TPTE2: variants seen among roughly 807,000 people sequenced by gnomAD.
The protein encoded by TPTE2 is transmembrane phosphoinositide 3-phosphatase and tensin homolog 2, also known as phosphatidylinositol 3,4,5-trisphosphate 3-phosphatase TPTE2.
TPTE2 carries 53 observed loss-of-function variants against 78.6 expected under a neutral mutation model. The observed-to-expected ratio is 0.67, with a 90% confidence interval of 0.54 to 0.85. The LOEUF is 0.85. TPTE2 is among the 40% of genes least tolerant of loss of function. The pLI, the probability that TPTE2 is intolerant of heterozygous loss-of-function variation, is 0.00. For synonymous variants in TPTE2, 175 were observed against 206.2 expected, an observed-to-expected ratio of 0.85 and a Z score of 1.30; for missense variants, 461 against 623.0, an observed-to-expected ratio of 0.74 and a Z score of 2.77.
intron 17 of TPTE2, among the ~76,000 whole-genome samples, chr13:19,428,936 A>G (rs972106582): frequency 2.6e-5 from 4 of 152,234 alleles, no homozygotes; most frequent in Admixed American, 1.3e-4. Flanking sequence ...TTGTTGAAAA[A>G]TATGGTGGGG....
At chr13:19,458,537 C>T in intron 10 of TPTE2, 1 of 390,106 alleles carries the variant, frequency 2.6e-6, no homozygotes, top group Non-Finnish European at 5.2e-6. Flanking sequence ...TGTTTCCTCT[C>T]CCCAGGTGAT....
At chr13:19,506,310 T>G (rs1200505630), upstream of TPTE2, among the ~76,000 whole-genome samples, 1 of 149,478 alleles carries the variant, frequency 6.7e-6, no homozygotes, top group East Asian at 2.0e-4. Context: ...TAGCTGGGAC[T>G]ACAGGCGCCC....
In TPTE2 at chr13:19,511,750, A is replaced by C. The variant is rs144558188; in HGVS notation, c.-43-8473T>G. Among the ~76,000 whole-genome samples the C allele has an allele frequency of 6.7e-3, 1,019 of 152,314 alleles. 8 individuals are homozygous for C. The highest frequency in any genetic ancestry group is 0.022 in the African/African-American group (903 of 41,558). ...TGACAGGAAGGATTGTAATTCATTG[A>C]AATAATGTAAGAATTTATAAGTTCA... On this transcript the variant is annotated intron_variant, in intron 1 of 17. Transcript: ENST00000390680.
chr13:19,560,306 C>A, the TPTE2 span: 11 of 1,252,028 alleles, frequency 8.8e-6, no homozygotes, highest in South Asian at 1.3e-4. Flanking sequence ...TTCAGTAGAA[C>A]GTACTCCCCT....
At chr13:19,443,270 G>A (rs1175773049) in intron 13 of TPTE2, among the ~76,000 whole-genome samples, 1 of 150,384 alleles carries the variant, frequency 6.6e-6, no homozygotes, top group African/African-American at 2.4e-5. Context: ...TTTATTTATA[G>A]GATAAAGTAG....
chr13:19,546,068 C>G, the TPTE2 span, among the ~76,000 whole-genome samples: 2 of 152,068 alleles, frequency 1.3e-5, no homozygotes, highest in Non-Finnish European at 2.9e-5. Flanking sequence ...GTGGCATGCA[C>G]CTGTAGTCTT....
intron 13 of TPTE2, among the ~76,000 whole-genome samples, chr13:19,441,761 T>C (rs1701302295): frequency 6.6e-6 from 1 of 152,206 alleles, no homozygotes; most frequent in Non-Finnish European, 1.5e-5. Context: ...AAAAATGCCC[T>C]CTCTTCACTG....
the TPTE2 span, among the ~76,000 whole-genome samples, chr13:19,549,348 T>C: frequency 3.5e-3 from 531 of 152,164 alleles, 4 homozygotes; most frequent in Middle Eastern, 6.8e-3. Flanking sequence ...GCAAAGGACA[T>C]GAACAGACGA....
intron 14 of TPTE2, among the ~76,000 whole-genome samples, chr13:19,437,306 A>G (rs1292463208): frequency 6.6e-6 from 1 of 152,162 alleles, no homozygotes; most frequent in Non-Finnish European, 1.5e-5. Context: ...TCTTCCCTAG[A>G]CTGCAGGCCA....
chr13:19,514,740 A>G (rs1350766231), intron 1 of TPTE2, among the ~76,000 whole-genome samples: 4 of 152,158 alleles, frequency 2.6e-5, no homozygotes, highest in Non-Finnish European at 5.9e-5. Flanking sequence ...GTAGGAAATA[A>G]ACAAGTAGGT....
intron 4 of TPTE2, among the ~76,000 whole-genome samples, chr13:19,479,759 T>G (rs112850780): frequency 4.6e-5 from 7 of 151,902 alleles, no homozygotes; most frequent in Non-Finnish European, 7.4e-5. Context: ...GTCAAGAGAT[T>G]GAGACCATCC....
intron 18 of TPTE2, 126 bp from the exon 22 acceptor site, chr13:19,425,143 C>G: frequency 2.0e-6 from 1 of 509,920 alleles, no homozygotes; most frequent in Non-Finnish European, 3.4e-6. Context: ...ATAGGTAGCA[C>G]TCTGCAATCT....
chr13:19,526,703 C>A (rs1249091232), intron 1 of TPTE2, among the ~76,000 whole-genome samples: 1 of 151,882 alleles, frequency 6.6e-6, no homozygotes, highest in Non-Finnish European at 1.5e-5. Flanking sequence ...TGCACATGTA[C>A]CCTTGAACCT....
At chr13:19,534,609 C>A (rs1871092615) in intron 1 of TPTE2, among the ~76,000 whole-genome samples, 1 of 152,188 alleles carries the variant, frequency 6.6e-6, no homozygotes, top group Admixed American at 6.5e-5. Flanking sequence ...CACCATCACT[C>A]ATATACTAGT....
intron 10 of TPTE2, among the ~76,000 whole-genome samples, chr13:19,460,073 C>A (rs1267469434): frequency 6.6e-6 from 1 of 152,198 alleles, no homozygotes; most frequent in Non-Finnish European, 1.5e-5. Context: ...GGACAGATTT[C>A]CCACTGTGCT....
At chr13:19,512,463 T>C (rs1869514359) in intron 1 of TPTE2, among the ~76,000 whole-genome samples, 1 of 152,268 alleles carries the variant, frequency 6.6e-6, no homozygotes, top group Non-Finnish European at 1.5e-5. Context: ...CATCTTCCTA[T>C]ATCCCACTTT....
chr13:19,450,147 G>A (rs1271244767), exon 13 of TPTE2: 1 of 1,611,180 alleles, frequency 6.2e-7, no homozygotes, highest in Non-Finnish European at 8.5e-7. Context: ...TACTTCCTTG[G>A]TGAAAACCAC....
At chr13:19,538,949 G>T (rs1378560128), upstream of TPTE2, among the ~76,000 whole-genome samples, 3 of 152,242 alleles carry the variant, frequency 2.0e-5, no homozygotes, top group African/African-American at 7.2e-5. Context: ...AAGCTGAGAT[G>T]TCAAGGTCAA....
At chr13:19,464,117 T>A (rs1169629818) in intron 10 of TPTE2, among the ~76,000 whole-genome samples, 1 of 152,110 alleles carries the variant, frequency 6.6e-6, no homozygotes, top group Non-Finnish European at 1.5e-5. Flanking sequence ...GACTAGCCAG[T>A]CCTCAGATGA....
Sources: allele counts gnomAD v4.1 joint callset (sites outside exome capture counted in the v4.1 genomes callset), GRCh38; gene constraint gnomAD v4.1.1; transcripts MANE v1.5; gene names NCBI Gene and HGNC (gene_info 2026-07-23, HGNC 2026-07-21).